Variants in DCC observed in about 807,000 individuals in gnomAD.
DCC encodes the protein DCC netrin 1 receptor, also known as netrin receptor DCC.
In DCC, 58 loss-of-function variants were observed where a neutral mutation model predicts 172.5. That is an observed-to-expected ratio of 0.34 (90% confidence interval 0.27 to 0.42). The LOEUF is 0.42. DCC is among the 10% of genes least tolerant of loss of function. The pLI is 1.00. For synonymous variants in DCC, 709 were observed against 644.5 expected, an observed-to-expected ratio of 1.10 and a Z score of -1.52; for missense variants, 1,740 against 1,791.0, an observed-to-expected ratio of 0.97 and a Z score of 0.51.
chr18:52,906,477 C>A (rs1400110450), intron 3 of DCC, 149 bp downstream of exon 3: 2 of 873,700 alleles, frequency 2.3e-6, no homozygotes, highest in East Asian at 5.4e-5. Context: ...CTTGCCGAAG[C>A]ATTCAATCAG....
At chr18:52,953,598 C>G (rs890145888) in intron 5 of DCC, among the ~76,000 whole-genome samples, 8 of 152,226 alleles carry the variant, frequency 5.3e-5, no homozygotes, top group Non-Finnish European at 1.2e-4. Flanking sequence ...ACTTTCAAAG[C>G]TGCCTGAACA....
chr18:52,734,916 T>C (rs4550563), intron 1 of DCC, among the ~76,000 whole-genome samples: 148,891 of 152,254 alleles, frequency 0.98, 72,881 homozygotes, highest in East Asian at 1. Context: ...GATCAATAAA[T>C]ATTTTCTGGG....
At chr18:53,105,710 C>T (rs537938305) in intron 7 of DCC, among the ~76,000 whole-genome samples, 5 of 151,970 alleles carry the variant, frequency 3.3e-5, no homozygotes, top group East Asian at 2.0e-4. Flanking sequence ...TCCCCTCCCA[C>T]GTGCATATCC....
At chr18:53,050,900 G>A (rs1480521076) in intron 5 of DCC, among the ~76,000 whole-genome samples, 1 of 152,050 alleles carries the variant, frequency 6.6e-6, no homozygotes, top group African/African-American at 2.4e-5. Context: ...CTTTCACCTT[G>A]GCATGTTTAC....
intron 1 of DCC, among the ~76,000 whole-genome samples, chr18:52,732,447 G>A (rs933007531): frequency 6.6e-6 from 1 of 152,148 alleles, no homozygotes; most frequent in Non-Finnish European, 1.5e-5. Context: ...ATTACGTTAT[G>A]TGACTTCATT....
chr18:52,865,318 A>G (rs535311260), intron 2 of DCC, among the ~76,000 whole-genome samples: 3 of 152,216 alleles, frequency 2.0e-5, no homozygotes, highest in East Asian at 1.9e-4. Flanking sequence ...ATGTGTCTTT[A>G]TAGTAGAATG....
intron 7 of DCC, 110 bp from the exon 8 acceptor site, chr18:53,157,246 C>G (rs1289338204): frequency 6.9e-6 from 9 of 1,306,270 alleles, no homozygotes; most frequent in Non-Finnish European, 9.9e-6. Flanking sequence ...GCTTTAGAAT[C>G]AAGGTGACTA....
chr18:52,833,950 G>T (rs2038659831), intron 2 of DCC, among the ~76,000 whole-genome samples: 1 of 151,358 alleles, frequency 6.6e-6, no homozygotes, highest in Non-Finnish European at 1.5e-5. Context: ...ACTGAAGATG[G>T]TTTTACCTCC....
chr18:52,992,112 C>T (rs1015097508), intron 5 of DCC, among the ~76,000 whole-genome samples: 2 of 152,174 alleles, frequency 1.3e-5, no homozygotes, highest in African/African-American at 4.8e-5. Context: ...AAGTGCTCCC[C>T]GCCTTGTCCG....
chr18:53,505,024 C>T (rs1425700012), intron 27 of DCC, among the ~76,000 whole-genome samples: 2 of 152,192 alleles, frequency 1.3e-5, no homozygotes, highest in South Asian at 4.2e-4. Flanking sequence ...TTTTTCCCCC[C>T]CTAAAAGGGG....
At chr18:53,091,517 C>T (rs1198099040) in intron 7 of DCC, among the ~76,000 whole-genome samples, 1 of 151,628 alleles carries the variant, frequency 6.6e-6, no homozygotes, top group Non-Finnish European at 1.5e-5. Context: ...GGCTGAGTTT[C>T]CCTAGTCTGA....
intron 25 of DCC, among the ~76,000 whole-genome samples, chr18:53,469,027 A>G (rs752807225): frequency 1.6e-4 from 24 of 152,064 alleles, no homozygotes; most frequent in Non-Finnish European, 2.6e-4. Context: ...CTCAGTTCCT[A>G]TTACCTTATT....
chr18:53,478,871 G>A (rs1393337), intron 25 of DCC, among the ~76,000 whole-genome samples: 7,864 of 152,262 alleles, frequency 0.052, 692 homozygotes, highest in African/African-American at 0.18. Context: ...CTACCAGGAG[G>A]CCTGCTTCTA....
rs144819732 is a variant in DCC, at chr18:53,450,616, A to T, written c.3346A>T (p.Ile1116Phe). ...TGTCATCACAGTGCTGGTAGTGGTC[A>T]TCGTGGCTGTGATTTGCACCCGACG... Reference protein sequence around the residue: ...VGVITVLVVVIVAVICTRRSS... With the variant: ...VGVITVLVVVFVAVICTRRSS... The change falls in exon 23 of 29, where the codon ATC becomes TTC. Residue 1116 changes from isoleucine to phenylalanine, a missense_variant. Ile to Phe is a conservative substitution (Grantham distance 21). Around this residue, in one of 2 missense-constraint regions of DCC, gnomAD observed 1,732 missense variants for 1,767.4 expected, o/e 0.98. Coordinates refer to ENST00000442544, the MANE Select transcript of DCC (RefSeq NM_005215.4). 11 of 1,612,412 alleles carry T rather than the reference A, an allele frequency of 6.8e-6. No individual in the cohort carries two copies. In the African/African-American group the frequency reaches 1.5e-4, roughly 22 times the overall value.
At position 53,066,172 on chromosome 18, in the gene DCC, A is replaced by T. The variant is rs1413648893; in HGVS notation, c.1261+6A>T. The T allele has an allele frequency of 3.1e-6, 5 of 1,612,532 alleles. No homozygotes were observed. The African/African-American group carries it at 5.3e-5, about 17-fold the overall frequency. On this transcript the variant is annotated splice_donor_region_variant and intron_variant, in intron 7 of 28. Transcript: ENST00000442544. ...GCTCATTGTCCCTAAGCCTGGTAAG[A>T]CAATGGGAACCTTGCTTTGGTACCT...
chr18:53,368,459 C>T (rs1338039932), intron 15 of DCC, among the ~76,000 whole-genome samples: 1 of 121,674 alleles, frequency 8.2e-6, no homozygotes, highest in Non-Finnish European at 1.9e-5. Flanking sequence ...GGCAAATTGC[C>T]TATTTTTCCT....
intron 5 of DCC, among the ~76,000 whole-genome samples, chr18:52,973,894 G>A (rs1480844248): frequency 6.6e-6 from 1 of 152,058 alleles, no homozygotes; most frequent in Non-Finnish European, 1.5e-5. Context: ...ATTTCATTCG[G>A]TAGATCAAAG....
At chr18:52,389,941 T>C (rs544242457) in intron 1 of DCC, among the ~76,000 whole-genome samples, 114 of 152,238 alleles carry the variant, frequency 7.5e-4, no homozygotes, top group African/African-American at 2.7e-3. Context: ...CACATATTGC[T>C]TCCAGTTCAA....
At chr18:53,186,774 G>A (rs1481774563) in intron 9 of DCC, among the ~76,000 whole-genome samples, 1 of 152,192 alleles carries the variant, frequency 6.6e-6, no homozygotes, top group African/African-American at 2.4e-5. Context: ...GGATAGAAAT[G>A]TATTGCTCAT....
Sources: gnomAD v4.1 joint callset for allele counts (sites outside exome capture counted in the v4.1 genomes callset) on GRCh38, gnomAD v4.1.1 for gene constraint, gnomAD v4.1.1 regional missense constraint, MANE v1.5 for transcripts, NCBI Gene and HGNC (gene_info 2026-07-23, HGNC 2026-07-21) for gene names.